FCHO1: variants seen among roughly 807,000 people sequenced by gnomAD.
FCHO1 encodes FCH and mu domain containing endocytic adaptor 1, also known as F-BAR domain only protein 1.
A neutral mutation model predicts 114.4 loss-of-function variants in FCHO1; 45 were observed. The ratio of observed to expected loss-of-function variants is 0.39; its 90% confidence interval spans 0.31 to 0.50. The LOEUF (loss-of-function observed/expected upper bound fraction) is 0.50, where lower values mean the gene tolerates loss of function less well. Ranked by LOEUF, FCHO1 falls within the 20% of genes least tolerant of loss-of-function variation. The pLI is 0.77. For missense variants in FCHO1, 1,042 were observed against 1,209.6 expected (o/e 0.86, Z 2.06); for synonymous variants, 480 against 488.9 (o/e 0.98, Z 0.24).
Position 17,784,982 on chromosome 19 carries a change from T to C in FCHO1, c.2426+58T>C, listed in dbSNP as rs1167869941. ...GCAGTTTCCCCCATAACCCCAGACC[T>C]TCTCCCTGATGCATTGATTAAAGGG... is the stretch of plus-strand genomic sequence containing the variant. On this transcript the variant is annotated intron_variant, in intron 26 of 28. Coordinates refer to ENST00000596536, the MANE Select transcript of FCHO1 (RefSeq NM_015122.3). This position sits in a 1 kb window ranked among gnomAD's most constrained non-coding sequence, Gnocchi z 5.3. 3.3e-5 allele frequency: 50 copies of C among 1,535,692 alleles called. No individual in the cohort carries two copies. The East Asian group carries it at 1.1e-3, about 33-fold the overall frequency.
Position 17,755,154 on chromosome 19 carries a change from A to C in FCHO1, c.-11A>C. On this transcript the variant is annotated 5_prime_UTR_variant, in exon 4 of 29. Coordinates refer to ENST00000596536, the MANE Select transcript of FCHO1 (RefSeq NM_015122.3). ...ACGGGGCCTGCAGGGGTCTCCACAG[A>C]GACCATCAGGATGTCGTATTTTGGG... The C allele has an allele frequency of 6.2e-7, 1 of 1,612,912 alleles. No homozygotes were observed. The highest frequency in any genetic ancestry group is 8.5e-7 in the Non-Finnish European group (1 of 1,179,570).
chr19:17,764,059 C>T (rs1555718676), intron 5 of FCHO1, among the ~76,000 whole-genome samples: 1 of 132,210 alleles, frequency 7.6e-6, no homozygotes, highest in South Asian at 2.4e-4. Context: ...TTTTTTTTTG[C>T]GATGGAGTCT....
In FCHO1 at chr19:17,775,382, G is replaced by C; in HGVS notation, c.946-74G>C. The stretch of plus-strand genomic sequence containing the variant: ...AGTCAAGGCCTGGGGGCAGGGCGGG[G>C]GGCGGTTGGCAGGGTGAGATGGAAG... On this transcript the variant is annotated intron_variant, in intron 14 of 28. Coordinates refer to ENST00000596536, the MANE Select transcript of FCHO1 (RefSeq NM_015122.3). The surrounding 1 kb of genome is among the most constrained non-coding windows in gnomAD (Gnocchi z 5.1). The C allele has an allele frequency of 6.9e-7, 1 of 1,449,456 alleles. No individual in the cohort carries two copies. Among genetic ancestry groups the C allele is most frequent in the African/African-American group, 1.4e-5 (1 of 71,686 alleles). 89.8% of individuals were successfully genotyped at this position (1,449,456 alleles called of 1,614,324 possible).
chr19:17,778,516 A>T, intron 19 of FCHO1, 93 bp from the exon 20 acceptor site: 1 of 1,414,586 alleles, frequency 7.1e-7, no homozygotes, highest in Non-Finnish European at 9.3e-7. Flanking sequence ...GGCCCCCCTG[A>T]CCTTCCCTCG....
chr19:17,779,028 A>AT, intron 20 of FCHO1, 144 bp downstream of exon 20: 1 of 897,848 alleles, frequency 1.1e-6, no homozygotes, highest in Non-Finnish European at 1.6e-6. Context: ...AGGGACAACA[A>AT]TGAGATGGAC....
intron 27 of FCHO1, 47 bp from the exon 28 acceptor site, chr19:17,787,635 G>A: frequency 6.6e-7 from 1 of 1,513,102 alleles, no homozygotes; most frequent in East Asian, 2.5e-5. Context: ...GTTCACAGCT[G>A]GGACGGGGGC....
chr19:17,769,939 G>T (rs182355358), intron 7 of FCHO1, among the ~76,000 whole-genome samples: 147 of 151,814 alleles, frequency 9.7e-4, no homozygotes, highest in African/African-American at 3.5e-3. Flanking sequence ...TGAGGCAGGT[G>T]GATTGCTTGA....
chr19:17,787,621 C>A, intron 27 of FCHO1, 61 bp from the exon 28 acceptor site: 1 of 1,494,364 alleles, frequency 6.7e-7, no homozygotes. Context: ...CAAAGATGAG[C>A]CTGGTTCACA....
chr19:17,787,791 G>A lies in FCHO1; in HGVS notation c.2592G>A (p.Leu864=), dbSNP rs942626480. Residue 864 remains leucine (L), a synonymous_variant, in exon 28 of 29, where the codon TTG becomes TTA. Transcript: ENST00000596536. ...SEGTTLSGVD[L]ELVGSGYRMS... ...GGACCACTCTGTCGGGCGTGGACTT[G>A]GAACTGGTGGGCAGCGGTTACCGCA... 2 of 1,613,078 alleles carry A rather than the reference G, an allele frequency of 1.2e-6. No individual in the cohort carries two copies. Among genetic ancestry groups the A allele is most frequent in the Non-Finnish European group, 1.7e-6 (2 of 1,179,824 alleles).
At position 17,776,036 on chromosome 19, in the gene FCHO1, G is replaced by C. The variant is rs1218849303; in HGVS notation, c.1057G>C (p.Glu353Gln). 1 of 1,610,134 alleles carries C rather than the reference G, an allele frequency of 6.2e-7. No homozygotes were observed. Among genetic ancestry groups the C allele is most frequent in the African/African-American group, 1.3e-5 (1 of 74,920 alleles). ...SSSDSDFDDE[E>Q]PRKFYVHIKP... The stretch of plus-strand genomic sequence containing the variant: ...CAGCGACTCCGACTTCGACGATGAA[G>C]AGCCCCGCAAGTTCTATGTGCACAT... Residue 353 changes from glutamate (E) to glutamine (Q), a missense_variant, in exon 16 of 29, where the codon GAG becomes CAG. Glu to Gln is a conservative substitution (Grantham distance 29, BLOSUM62 2). This residue lies in a region of FCHO1 where 450 missense variants were observed against 564.1 expected (regional missense o/e 0.80). Coordinates refer to ENST00000596536, the MANE Select transcript of FCHO1 (RefSeq NM_015122.3). The surrounding 1 kb of genome is among the most constrained non-coding windows in gnomAD (Gnocchi z 4.4).
In FCHO1 at chr19:17,774,466, C is replaced by T. The variant is rs2092324493; in HGVS notation, c.908C>T (p.Pro303Leu). ...GLSRREREPE[P>L]PAAVDFLEPD... ...AGCCGGCGGGAGCGGGAGCCAGAGC[C>T]ACCTGCAGCTGTGTGAGGAAGCACC... is the stretch of plus-strand genomic sequence containing the variant. The change falls in exon 13 of 29, where the codon CCA becomes CTA. Residue 303 changes from proline to leucine, a missense_variant. Physicochemically the swap from Pro to Leu is moderately conservative, Grantham distance 98 (BLOSUM62 -3). This residue lies in a region of FCHO1 where 450 missense variants were observed against 564.1 expected (regional missense o/e 0.80). Transcript: ENST00000596536. 3 of 1,612,914 alleles carry T rather than the reference C, an allele frequency of 1.9e-6. No individual in the cohort carries two copies. The highest frequency in any genetic ancestry group is 2.5e-6 in the Non-Finnish European group (3 of 1,179,956).
Position 17,781,443 on chromosome 19 carries a change from C to G in FCHO1, c.1741-9C>G, listed in dbSNP as rs956334466. 3.7e-6 allele frequency: 6 copies of G among 1,613,976 alleles called. No homozygotes were observed. The highest frequency in any genetic ancestry group is 1.6e-4 in the Middle Eastern group (1 of 6,062). ...CACTCACAGCCAAGATTGTCTCTTT[C>G]CCTTCCAGTCTCGTTCCCTGAGCCC... On this transcript the variant is annotated splice_polypyrimidine_tract_variant and intron_variant, in intron 21 of 28. Coordinates refer to ENST00000596536, the MANE Select transcript of FCHO1 (RefSeq NM_015122.3).
In FCHO1 at chr19:17,778,127, C is replaced by T; in HGVS notation, c.1260-10C>T. On this transcript the variant is annotated splice_polypyrimidine_tract_variant and intron_variant, in intron 18 of 28. Coordinates refer to ENST00000596536, the MANE Select transcript of FCHO1 (RefSeq NM_015122.3). ...AATAGAAGCAGCCCTCTTGGCCTCA[C>T]CCTCTCTAGCTGTGCAGAGAGATTG... is the stretch of plus-strand genomic sequence containing the variant. 2 of 1,606,432 alleles carry T rather than the reference C, an allele frequency of 1.2e-6. No homozygotes were observed. The highest frequency in any genetic ancestry group is 1.7e-6 in the Non-Finnish European group (2 of 1,173,270).
Position 17,781,490 on chromosome 19 carries a change from C to A in FCHO1, c.1779C>A (p.Ala593=). 6.2e-7 allele frequency: 1 copy of A among 1,614,068 alleles called. No individual in the cohort carries two copies. The highest frequency in any genetic ancestry group is 8.5e-7 in the Non-Finnish European group (1 of 1,180,002). Residue 593 remains alanine, a synonymous_variant, in exon 22 of 29, where the codon GCC becomes GCA. Coordinates refer to ENST00000596536, the MANE Select transcript of FCHO1 (RefSeq NM_015122.3). Reference sequence around the variant, plus strand: ...GCCCCTCCCCACTGGGCTCTTCAGCCGCCAGCACTGCCTTGGAACGGCCCA... The same window carrying A: ...GCCCCTCCCCACTGGGCTCTTCAGCAGCCAGCACTGCCTTGGAACGGCCCA... ...SLSPSPLGSS[A]ASTALERPSF...
intron 4 of FCHO1, among the ~76,000 whole-genome samples, chr19:17,757,358 G>T (rs2084014579): frequency 6.6e-6 from 1 of 152,116 alleles, no homozygotes; most frequent in Non-Finnish European, 1.5e-5. Flanking sequence ...TGGGAAACGG[G>T]CCAGCAGTTG....
At chr19:17,768,992 A>T (rs1000051042) in intron 7 of FCHO1, among the ~76,000 whole-genome samples, 2 of 151,000 alleles carry the variant, frequency 1.3e-5, no homozygotes, top group African/African-American at 4.9e-5. Flanking sequence ...CTTAAAAAAA[A>T]AAGCTGGGCA....
At chr19:17,764,272 C>T (rs974333892) in intron 5 of FCHO1, 103 bp from the exon 6 acceptor site, 4 of 1,187,260 alleles carry the variant, frequency 3.4e-6, no homozygotes, top group Admixed American at 1.8e-5. Flanking sequence ...AACTCCTAAC[C>T]TCAGGTGATC....
intron 5 of FCHO1, among the ~76,000 whole-genome samples, chr19:17,763,102 AT>A (rs879508500): frequency 7.1e-4 from 105 of 148,384 alleles, no homozygotes; most frequent in Non-Finnish European, 1.1e-3. Context: ...CAAGGTTGGA[AT>A]TTTTTTTTTT....
At chr19:17,782,894 G>C in intron 23 of FCHO1, 123 bp from the exon 24 acceptor site, 1 of 1,080,200 alleles carries the variant, frequency 9.3e-7, no homozygotes, top group Non-Finnish European at 1.3e-6. Flanking sequence ...GGGATCATCA[G>C]GGCCATCCTC....
Sources: gnomAD v4.1 joint callset for allele counts (sites outside exome capture counted in the v4.1 genomes callset) on GRCh38, gnomAD v4.1.1 for gene constraint, gnomAD v4.1.1 regional missense constraint, Gnocchi (gnomAD v3.1) non-coding constraint, MANE v1.5 for transcripts, NCBI Gene and HGNC (gene_info 2026-07-23, HGNC 2026-07-21) for gene names.